Variants in MGAT4C observed in about 807,000 individuals in gnomAD.
MGAT4C encodes MGAT4 family member C.
Under a neutral mutation model 40.1 loss-of-function variants are expected in MGAT4C, and 19 were observed. That is an observed-to-expected ratio of 0.47 (90% CI 0.33 to 0.70). The LOEUF (loss-of-function observed/expected upper bound fraction) is 0.70. MGAT4C is among the 30% of genes least tolerant of loss of function. The pLI is 0.02. For missense variants in MGAT4C, 491 were observed against 563.2 expected (o/e 0.87, Z 1.30); for synonymous variants, 181 against 187.1 (o/e 0.97, Z 0.27).
intron 2 of MGAT4C, among the ~76,000 whole-genome samples, chr12:86,552,414 T>C (rs1959411065): frequency 6.6e-6 from 1 of 152,050 alleles, no homozygotes; most frequent in Non-Finnish European, 1.5e-5. Flanking sequence ...TCAAAGAATA[T>C]AAAATTATAG....
chr12:86,732,833 A>C (rs1273437707), intron 1 of MGAT4C, among the ~76,000 whole-genome samples: 2 of 151,292 alleles, frequency 1.3e-5, no homozygotes, highest in East Asian at 3.9e-4. Flanking sequence ...TCCAGCAAAA[A>C]AAAAAAAAAA....
At chr12:86,302,050 A>G (rs1173895463) in intron 4 of MGAT4C, among the ~76,000 whole-genome samples, 1 of 151,020 alleles carries the variant, frequency 6.6e-6, no homozygotes, top group Non-Finnish European at 1.5e-5. Context: ...TCTAGAATAA[A>G]TCTATTTTTA....
chr12:86,611,208 G>A (rs1962247793), intron 2 of MGAT4C, among the ~76,000 whole-genome samples: 1 of 152,014 alleles, frequency 6.6e-6, no homozygotes, highest in Non-Finnish European at 1.5e-5. Context: ...GATAGAAATG[G>A]TGTTAATTGA....
At chr12:86,566,801 G>GAGA (rs1439616220) in intron 2 of MGAT4C, among the ~76,000 whole-genome samples, 1 of 148,028 alleles carries the variant, frequency 6.8e-6, no homozygotes, top group East Asian at 2.0e-4. Flanking sequence ...TGGCCCTCTA[G>GAGA]AGAACCCTAA....
At chr12:86,162,910 A>C (rs1241112201) in intron 1 of MGAT4C, among the ~76,000 whole-genome samples, 1 of 152,282 alleles carries the variant, frequency 6.6e-6, no homozygotes, top group East Asian at 1.9e-4. Context: ...TAGAAACCAA[A>C]CCTTATTTCC....
At chr12:85,991,949 C>T (rs550742405) in intron 2 of MGAT4C, among the ~76,000 whole-genome samples, 3 of 152,122 alleles carry the variant, frequency 2.0e-5, no homozygotes, top group Non-Finnish European at 4.4e-5. Flanking sequence ...TGGTGACCAG[C>T]GAGCCATCTT....
chr12:86,181,051 G>A (rs1211762555), intron 1 of MGAT4C, among the ~76,000 whole-genome samples: 1 of 152,048 alleles, frequency 6.6e-6, no homozygotes, highest in East Asian at 1.9e-4. Flanking sequence ...GAATCATGGG[G>A]GCCAGTTTTT....
chr12:86,799,645 CTTT>C (rs1315795011), intron 1 of MGAT4C, among the ~76,000 whole-genome samples: 1 of 151,790 alleles, frequency 6.6e-6, no homozygotes, highest in Non-Finnish European at 1.5e-5. Flanking sequence ...TTCTATGTGA[CTTT>C]TTTTATGGCC....
At chr12:86,136,285 G>A (rs1489339761) in intron 1 of MGAT4C, among the ~76,000 whole-genome samples, 4 of 152,044 alleles carry the variant, frequency 2.6e-5, no homozygotes, top group Non-Finnish European at 4.4e-5. Context: ...ATAAAACTCT[G>A]TCTTTATGTA....
intron 2 of MGAT4C, among the ~76,000 whole-genome samples, chr12:86,482,806 C>T (rs1957959048): frequency 6.6e-6 from 1 of 152,068 alleles, no homozygotes; most frequent in Admixed American, 6.6e-5. Flanking sequence ...TTCTTTAGGT[C>T]ACAGAATTTA....
chr12:86,453,059 T>C (rs1399764967), intron 2 of MGAT4C, among the ~76,000 whole-genome samples: 4 of 152,168 alleles, frequency 2.6e-5, no homozygotes, highest in Non-Finnish European at 5.9e-5. Context: ...TACTATATTA[T>C]AGACAGAAAT....
intron 2 of MGAT4C, among the ~76,000 whole-genome samples, chr12:86,477,271 T>A (rs1425855982): frequency 2.0e-5 from 3 of 151,770 alleles, no homozygotes; most frequent in Non-Finnish European, 4.4e-5. Context: ...GTGACATGAA[T>A]GAAATTAGAG....
At chr12:86,140,756 A>G (rs560774937) in intron 1 of MGAT4C, among the ~76,000 whole-genome samples, 55 of 152,312 alleles carry the variant, frequency 3.6e-4, no homozygotes, top group Admixed American at 1.4e-3. Flanking sequence ...ATTTATTTAG[A>G]GCAACTAGAA....
At chr12:86,433,706 C>A (rs1012377022) in intron 3 of MGAT4C, among the ~76,000 whole-genome samples, 1 of 151,854 alleles carries the variant, frequency 6.6e-6, no homozygotes, top group East Asian at 1.9e-4. Context: ...GAGGGCAGAA[C>A]AAGGGGAAAA....
At chr12:86,639,773 T>C (rs549962325) in intron 2 of MGAT4C, among the ~76,000 whole-genome samples, 12 of 151,852 alleles carry the variant, frequency 7.9e-5, no homozygotes, top group African/African-American at 2.6e-4. Flanking sequence ...TAGCTGTTGA[T>C]ATTTTCAATG....
chr12:86,126,654 A>G (rs1469697817), intron 1 of MGAT4C, among the ~76,000 whole-genome samples: 1 of 152,224 alleles, frequency 6.6e-6, no homozygotes, highest in Non-Finnish European at 1.5e-5. Flanking sequence ...AGATAAACTC[A>G]AAACTATGAT....
intron 3 of MGAT4C, among the ~76,000 whole-genome samples, chr12:86,338,928 C>T (rs1460833339): frequency 1.7e-5 from 2 of 119,176 alleles, no homozygotes; most frequent in African/African-American, 6.4e-5. Context: ...CACTGCACTC[C>T]AGGCTGGGTG....
In MGAT4C at chr12:85,976,841, A is replaced by C. The variant is rs545886501; in HGVS notation, c.*2448T>G. On this transcript the variant is annotated 3_prime_UTR_variant, in exon 5 of 5. Coordinates refer to ENST00000611864, the MANE Select transcript of MGAT4C (RefSeq NM_001351288.2). ...TATTCAAAGTTTCTAAATATAGGAA[A>C]TAGAACATTGGGCCATGCTAAAAAA... 21 of 150,860 alleles carry C rather than the reference A, an allele frequency of 1.4e-4. No homozygotes were observed. The highest frequency in any genetic ancestry group is 4.1e-4 in the South Asian group (2 of 4,830). 9.3% of individuals were successfully genotyped at this position (150,860 alleles called of 1,614,324 possible).
intron 2 of MGAT4C, among the ~76,000 whole-genome samples, chr12:86,030,068 C>G (rs1300727109): frequency 1.3e-5 from 2 of 151,544 alleles, no homozygotes; most frequent in African/African-American, 4.8e-5. Context: ...TATTTCATGA[C>G]AAAGACTTAT....
Sources: allele counts gnomAD v4.1 joint callset (sites outside exome capture counted in the v4.1 genomes callset), GRCh38; gene constraint gnomAD v4.1.1; transcripts MANE v1.5; gene names NCBI Gene and HGNC (gene_info 2026-07-23, HGNC 2026-07-21).